Variants in ADAMTS12 observed in about 807,000 individuals in gnomAD.
The protein encoded by ADAMTS12 is ADAM metallopeptidase with thrombospondin type 1 motif 12.
Under a neutral mutation model 167.8 loss-of-function variants are expected in ADAMTS12, and 118 were observed. The observed-to-expected ratio is 0.70, with a 90% CI of 0.61 to 0.82. The LOEUF is 0.82. ADAMTS12 is among the 40% of genes least tolerant of loss of function. The pLI is 0.00. For missense variants in ADAMTS12, 1,916 were observed against 1,998.8 expected, an observed-to-expected ratio of 0.96 and a Z score of 0.79; for synonymous variants, 704 against 716.9, an observed-to-expected ratio of 0.98 and a Z score of 0.29.
At chr5:33,617,795 A>G (rs1739103412) in intron 14 of ADAMTS12, among the ~76,000 whole-genome samples, 1 of 120,888 alleles carries the variant, frequency 8.3e-6, no homozygotes, top group Admixed American at 9.4e-5. Flanking sequence ...CCTAAATAGA[A>G]AAAAAAAACA....
intron 22 of ADAMTS12, among the ~76,000 whole-genome samples, chr5:33,535,276 G>A (rs1011425899): frequency 1.3e-5 from 2 of 152,218 alleles, no homozygotes; most frequent in African/African-American, 4.8e-5. Context: ...GATGCCTTTC[G>A]CCACATGGCT....
chr5:33,870,187 T>G (rs963391914), intron 2 of ADAMTS12, among the ~76,000 whole-genome samples: 2 of 152,268 alleles, frequency 1.3e-5, no homozygotes, highest in African/African-American at 2.4e-5. Flanking sequence ...CACACAGGCT[T>G]TACGAACAAT....
At chr5:33,823,615 C>A (rs377028501) in intron 2 of ADAMTS12, among the ~76,000 whole-genome samples, 177 of 150,030 alleles carry the variant, frequency 1.2e-3, no homozygotes, top group African/African-American at 4.2e-3. Context: ...GACTCTGGCC[C>A]AGCTGGCATA....
chr5:33,872,563 GA>G (rs1404806506), intron 2 of ADAMTS12, among the ~76,000 whole-genome samples: 1 of 149,354 alleles, frequency 6.7e-6, no homozygotes, highest in Non-Finnish European at 1.5e-5. Context: ...AAAAAAGAAA[GA>G]AAGAAAAGAA....
Position 33,683,977 on chromosome 5 carries a change from G to C in ADAMTS12, c.713C>G (p.Ser238Cys). 1 of 1,612,416 alleles carries C rather than the reference G, an allele frequency of 6.2e-7. No individual in the cohort carries two copies. The highest frequency in any genetic ancestry group is 2.2e-5 in the East Asian group (1 of 44,766). ...ERHNLPSRSL[S>C]RRSISKERWV... ...TCTCTCCTTGCTGATGGAACGCCGA[G>C]AGAGGCTTCTGCTTGGCAAGTTGTG... Residue 238 changes from serine (S) to cysteine (C), a missense_variant, in exon 4 of 24, where the codon TCT becomes TGT. Physicochemically the swap from Ser to Cys is moderately radical, Grantham distance 112. Transcript: ENST00000504830.
chr5:33,576,468 G>C lies in ADAMTS12; in HGVS notation c.3558C>G (p.Asp1186Glu), dbSNP rs181608167. Residue 1186 changes from aspartate (D) to glutamate (E), a missense_variant, in exon 19 of 24, where the codon GAC (aspartate) becomes GAG (glutamate). Coordinates refer to ENST00000504830, the MANE Select transcript of ADAMTS12 (RefSeq NM_030955.4). ...GCATTTCTGTACTTTCCACTGGAGC[G>C]TCATTTCCAGGTACTCTGATCTTGG... ...IWTKIRVPGN[D>E]APVESTEMPL... The C allele has an allele frequency of 1.2e-6, 2 of 1,608,194 alleles. No homozygotes were observed. The highest frequency in any genetic ancestry group is 4.5e-5 in the East Asian group (2 of 44,854).
chr5:33,650,925 T>C (rs1213075468), intron 7 of ADAMTS12, among the ~76,000 whole-genome samples: 3 of 152,226 alleles, frequency 2.0e-5, no homozygotes, highest in African/African-American at 7.2e-5. Context: ...TATCCAACTT[T>C]AATGAAACCT....
chr5:33,704,940 T>A (rs1946261), intron 3 of ADAMTS12, among the ~76,000 whole-genome samples: 1 of 152,010 alleles, frequency 6.6e-6, no homozygotes, highest in African/African-American at 2.4e-5. Flanking sequence ...TTTTTTCCTA[T>A]ATTTTATTCT....
intron 3 of ADAMTS12, among the ~76,000 whole-genome samples, chr5:33,714,877 T>A (rs926587840): frequency 1.3e-5 from 2 of 151,996 alleles, no homozygotes; most frequent in Admixed American, 6.6e-5. Flanking sequence ...AGTTCTAGGG[T>A]TCGATAGCAT....
At chr5:33,596,379 G>A (rs1737877882) in intron 16 of ADAMTS12, among the ~76,000 whole-genome samples, 1 of 152,136 alleles carries the variant, frequency 6.6e-6, no homozygotes, top group South Asian at 2.1e-4. Context: ...AAAACCAAAT[G>A]AGATTTAAAT....
intron 2 of ADAMTS12, among the ~76,000 whole-genome samples, chr5:33,755,718 A>G (rs1745143933): frequency 6.6e-6 from 1 of 152,250 alleles, no homozygotes; most frequent in African/African-American, 2.4e-5. Context: ...TAAAAGACAC[A>G]TGAAGGCACC....
intron 16 of ADAMTS12, among the ~76,000 whole-genome samples, chr5:33,613,408 A>AC (rs991360696): frequency 6.6e-6 from 1 of 152,056 alleles, no homozygotes; most frequent in Non-Finnish European, 1.5e-5. Context: ...ATGTCCACGT[A>AC]CCCCTCCATA....
chr5:33,772,077 G>A (rs904073634), intron 2 of ADAMTS12, among the ~76,000 whole-genome samples: 4 of 151,968 alleles, frequency 2.6e-5, no homozygotes, highest in African/African-American at 7.3e-5. Context: ...GGCTGCTCTT[G>A]AACTCTTGGC....
intron 3 of ADAMTS12, among the ~76,000 whole-genome samples, chr5:33,734,753 G>A (rs971561007): frequency 4.6e-5 from 7 of 152,188 alleles, no homozygotes; most frequent in South Asian, 4.1e-4. Flanking sequence ...AACGGTGGGT[G>A]GGGGAGGAGG....
chr5:33,847,056 G>A (rs904987009), intron 2 of ADAMTS12, among the ~76,000 whole-genome samples: 8 of 152,174 alleles, frequency 5.3e-5, no homozygotes, highest in African/African-American at 1.9e-4. Flanking sequence ...TCCAGAAAGG[G>A]AAAACAAACA....
chr5:33,718,986 G>A (rs1743709856), intron 3 of ADAMTS12, among the ~76,000 whole-genome samples: 1 of 152,164 alleles, frequency 6.6e-6, no homozygotes, highest in African/African-American at 2.4e-5. Context: ...TCTCTGTTCA[G>A]GTTTCTGTGC....
chr5:33,860,180 G>A lies in ADAMTS12; in HGVS notation c.489+20939C>T, dbSNP rs567458915. Among the ~76,000 whole-genome samples, 7 of 152,272 alleles carry A rather than the reference G, an allele frequency of 4.6e-5. No homozygotes were observed. The South Asian group carries it at 1.5e-3, about 32-fold the overall frequency. ...GAACGACTTTGATGAATTGACAAAA[G>A]TAGGCTTCAGAAGTTAGGTAATAAC... On this transcript the variant is annotated intron_variant, in intron 2 of 23. Transcript: ENST00000504830.
At chr5:33,869,584 C>T (rs1191736610) in intron 2 of ADAMTS12, among the ~76,000 whole-genome samples, 9 of 152,170 alleles carry the variant, frequency 5.9e-5, no homozygotes, top group East Asian at 3.9e-4. Flanking sequence ...CCCCCTGAGC[C>T]GCAAAACCAG....
At chr5:33,696,884 G>C (rs1327457225) in intron 3 of ADAMTS12, among the ~76,000 whole-genome samples, 1 of 151,940 alleles carries the variant, frequency 6.6e-6, no homozygotes, top group Non-Finnish European at 1.5e-5. Context: ...AGTTCTTTTC[G>C]GCTTAATATG....
Sources: allele counts gnomAD v4.1 joint callset (sites outside exome capture counted in the v4.1 genomes callset), GRCh38; gene constraint gnomAD v4.1.1; transcripts MANE v1.5; gene names NCBI Gene and HGNC (gene_info 2026-07-23, HGNC 2026-07-21).